The following CDC42BPA variants were observed in gnomAD, a reference collection of about 807,000 sequenced individuals.
The protein encoded by CDC42BPA is serine/threonine-protein kinase MRCK alpha.
A neutral mutation model predicts 223.5 loss-of-function variants in CDC42BPA; 80 were observed. That is an observed-to-expected ratio of 0.36 (90% confidence interval 0.30 to 0.43). The LOEUF (loss-of-function observed/expected upper bound fraction) is 0.43. CDC42BPA is among the 20% of genes least tolerant of loss of function. The probability of loss-of-function intolerance (pLI) is 1.00; values close to 1 mark genes in which losing one functional copy is unlikely to be tolerated. For synonymous variants in CDC42BPA, 694 were observed against 718.6 expected (o/e 0.97, Z 0.55); for missense variants, 1,743 against 2,099.9 (o/e 0.83, Z 3.32).
At chr1:227,012,144 A>G (rs527486652) in intron 34 of CDC42BPA, among the ~76,000 whole-genome samples, 1 of 152,352 alleles carries the variant, frequency 6.6e-6, no homozygotes, top group South Asian at 2.1e-4. Context: ...TTAAAGCTCC[A>G]GGATGTCACT....
chr1:227,132,146 G>T (rs1017255236), intron 10 of CDC42BPA, among the ~76,000 whole-genome samples: 4 of 151,660 alleles, frequency 2.6e-5, no homozygotes, highest in African/African-American at 9.7e-5. Context: ...CTCTCCCCAC[G>T]GTCTTCCTCT....
At chr1:227,122,825 G>A (rs1454519808) in intron 11 of CDC42BPA, among the ~76,000 whole-genome samples, 2 of 152,114 alleles carry the variant, frequency 1.3e-5, no homozygotes, top group South Asian at 2.1e-4. Context: ...AATCCAGAAT[G>A]CTCTGAACTT....
chr1:227,236,992 G>A (rs554940530), intron 2 of CDC42BPA, among the ~76,000 whole-genome samples: 44 of 130,264 alleles, frequency 3.4e-4, no homozygotes, highest in African/African-American at 1.2e-3. Flanking sequence ...ACAGTGAGCT[G>A]TAATTGTGCC....
intron 1 of CDC42BPA, among the ~76,000 whole-genome samples, chr1:227,270,896 A>G (rs1685854532): frequency 6.6e-6 from 1 of 152,200 alleles, no homozygotes. Context: ...GTTGCACAGC[A>G]TGTGTCAGAA....
intron 17 of CDC42BPA, among the ~76,000 whole-genome samples, chr1:227,075,171 T>C (rs1025103036): frequency 2.6e-5 from 4 of 152,200 alleles, no homozygotes; most frequent in Admixed American, 6.5e-5. Context: ...ACAAAAAAAA[T>C]GGAGTTGAAA....
At chr1:227,048,727 C>G (rs1321822351) in intron 22 of CDC42BPA, among the ~76,000 whole-genome samples, 1 of 136,512 alleles carries the variant, frequency 7.3e-6, no homozygotes, top group African/African-American at 2.8e-5. Context: ...GAAAAAAGAG[C>G]CACTGCTTAA....
rs1421435056 is a variant in CDC42BPA, at chr1:227,317,508, C to CT, written c.-327dup. On this transcript the variant is annotated 5_prime_UTR_variant, in exon 1 of 37. Coordinates refer to ENST00000366766, the MANE Select transcript of CDC42BPA (RefSeq NM_001394014.1). ...ACAACGAACTAGAGAGTCAACACTTCTTTAAAAAAAAAAAAAAAAACTCTT... is the reference window on the plus strand; with the variant it reads ...ACAACGAACTAGAGAGTCAACACTTCTTTTAAAAAAAAAAAAAAAAACTCTT... The CT allele has an allele frequency of 1.1e-5, 4 of 351,444 alleles. No individual in the cohort carries two copies. The highest frequency in any genetic ancestry group is 6.8e-4 in the Middle Eastern group (1 of 1,466). 21.8% of individuals were successfully genotyped at this position (351,444 alleles called of 1,614,324 possible). A position where few individuals can be genotyped will look rare whatever the true frequency, so the allele number is the denominator to read the frequency against.
At chr1:227,118,898 T>C (rs1038206737) in intron 12 of CDC42BPA, among the ~76,000 whole-genome samples, 12 of 152,140 alleles carry the variant, frequency 7.9e-5, no homozygotes, top group African/African-American at 2.9e-4. Context: ...AGTAAAAATG[T>C]ACTGGTCTAT....
chr1:227,259,601 C>T (rs1161028321), intron 1 of CDC42BPA, among the ~76,000 whole-genome samples: 1 of 150,586 alleles, frequency 6.6e-6, no homozygotes, highest in African/African-American at 2.5e-5. Flanking sequence ...CAAACTAATA[C>T]GTAATTTAGT....
intron 12 of CDC42BPA, among the ~76,000 whole-genome samples, chr1:227,115,033 CAA>C (rs775415054): frequency 1.3e-5 from 2 of 151,972 alleles, no homozygotes; most frequent in Non-Finnish European, 2.9e-5. Context: ...ATTTTGCAAA[CAA>C]AAAGAGTTCT....
chr1:227,242,340 T>C (rs1287295970), intron 2 of CDC42BPA, among the ~76,000 whole-genome samples: 1 of 152,094 alleles, frequency 6.6e-6, no homozygotes, highest in African/African-American at 2.4e-5. Context: ...TTTCTCCTGA[T>C]TCACAAACCA....
At chr1:227,253,469 G>GC (rs1475376907) in intron 2 of CDC42BPA, among the ~76,000 whole-genome samples, 2 of 152,120 alleles carry the variant, frequency 1.3e-5, no homozygotes, top group Non-Finnish European at 2.9e-5. Context: ...GATGGCGGAC[G>GC]CCTGTAATCC....
chr1:227,179,255 T>C (rs780742665), intron 5 of CDC42BPA, among the ~76,000 whole-genome samples: 2 of 152,060 alleles, frequency 1.3e-5, no homozygotes, highest in South Asian at 2.1e-4. Context: ...AAATAGATCA[T>C]AGTAATGGTT....
intron 1 of CDC42BPA, among the ~76,000 whole-genome samples, chr1:227,311,147 A>C (rs1034360522): frequency 1.3e-5 from 2 of 151,402 alleles, no homozygotes; most frequent in Non-Finnish European, 2.9e-5. Context: ...TGAGGGCAGG[A>C]GTTTGAGACC....
rs1443245077 is a variant in CDC42BPA, at chr1:226,990,837, T to TA, written c.*3430dup. 6.6e-6 allele frequency: 1 copy of TA among 152,626 alleles called. No homozygotes were observed. The highest frequency in any genetic ancestry group is 1.5e-5 in the Non-Finnish European group (1 of 68,042). The allele number at this position is 152,626 out of a possible 1,614,324, so 9.5% of individuals were successfully genotyped here. ...GAGGCTGAGAGCTAGCCAGGAATGA[T>TA]AGATTGTTGCTGTAAACATGACAGG... On this transcript the variant is annotated 3_prime_UTR_variant, in exon 37 of 37. Coordinates refer to ENST00000366766, the MANE Select transcript of CDC42BPA (RefSeq NM_001394014.1).
At chr1:227,276,842 A>C (rs1020002030) in intron 1 of CDC42BPA, among the ~76,000 whole-genome samples, 1 of 152,196 alleles carries the variant, frequency 6.6e-6, no homozygotes, top group African/African-American at 2.4e-5. Flanking sequence ...AGGGTGGTGC[A>C]AGATGTGCTT....
intron 2 of CDC42BPA, among the ~76,000 whole-genome samples, chr1:227,228,154 G>A (rs1677181192): frequency 6.6e-6 from 1 of 152,196 alleles, no homozygotes; most frequent in African/African-American, 2.4e-5. Context: ...AGACCAGCAG[G>A]ATAAACAGCT....
intron 14 of CDC42BPA, among the ~76,000 whole-genome samples, chr1:227,103,631 A>G (rs897729658): frequency 2.0e-5 from 3 of 152,088 alleles, no homozygotes; most frequent in Non-Finnish European, 4.4e-5. Context: ...AAAACATACT[A>G]TAACTCTTTA....
chr1:227,022,103 C>T (rs1667491089), intron 32 of CDC42BPA, among the ~76,000 whole-genome samples: 1 of 151,938 alleles, frequency 6.6e-6, no homozygotes, highest in Admixed American at 6.6e-5. Context: ...TTTCTTGAAG[C>T]CAGTATTTTT....
Sources: gnomAD v4.1 joint callset for allele counts (sites outside exome capture counted in the v4.1 genomes callset) on GRCh38, gnomAD v4.1.1 for gene constraint, MANE v1.5 for transcripts, NCBI Gene and HGNC (gene_info 2026-07-23, HGNC 2026-07-21) for gene names.